The following PCNX1 variants were observed in gnomAD, a reference collection of about 807,000 sequenced individuals.
The protein encoded by PCNX1 is pecanex-like protein 1.
A neutral mutation model predicts 242.2 loss-of-function variants in PCNX1; 78 were observed. That is an observed-to-expected ratio of 0.32 (90% CI 0.27 to 0.39). The LOEUF (loss-of-function observed/expected upper bound fraction) is 0.39. Ranked by LOEUF, PCNX1 falls within the 10% of genes least tolerant of loss-of-function variation. The pLI, the probability that PCNX1 is intolerant of heterozygous loss-of-function variation, is 1.00. For missense variants in PCNX1, 2,581 were observed against 2,856.5 expected (o/e 0.90, Z 2.20); for synonymous variants, 1,024 against 1,032.9 (o/e 0.99, Z 0.17).
intron 28 of PCNX1, among the ~76,000 whole-genome samples, chr14:71,083,433 C>A (rs2061905721): frequency 6.6e-6 from 1 of 152,028 alleles, no homozygotes; most frequent in Non-Finnish European, 1.5e-5. Context: ...AGGTAATAAT[C>A]CTGAAGAATG....
chr14:70,933,949 T>G (rs748174036), intron 1 of PCNX1, among the ~76,000 whole-genome samples: 7 of 152,204 alleles, frequency 4.6e-5, no homozygotes, highest in African/African-American at 1.7e-4. Context: ...TTGGCTACAA[T>G]GTACTTCCAG....
At chr14:71,088,765 A>T (rs1192020596) in intron 29 of PCNX1, among the ~76,000 whole-genome samples, 1 of 152,084 alleles carries the variant, frequency 6.6e-6, no homozygotes, top group Non-Finnish European at 1.5e-5. Context: ...ATTTCCTTGC[A>T]GTCTTTGTCC....
chr14:71,089,099 C>T, intron 29 of PCNX1, 93 bp from the exon 30 acceptor site: 2 of 940,986 alleles, frequency 2.1e-6, no homozygotes, highest in Non-Finnish European at 3.2e-6. Flanking sequence ...TCAAAACACT[C>T]CCAGGTGATT....
At chr14:71,057,486 T>G in intron 25 of PCNX1, 23 bp from the exon 26 acceptor site, 1 of 1,551,278 alleles carries the variant, frequency 6.4e-7, no homozygotes. Flanking sequence ...AAATTTAACT[T>G]TTTTTAAAAT....
At position 70,947,006 on chromosome 14, in the gene PCNX1, A is replaced by C; in HGVS notation, c.245A>C (p.His82Pro). 6.2e-7 allele frequency: 1 copy of C among 1,613,878 alleles called. No individual in the cohort carries two copies. Among genetic ancestry groups the C allele is most frequent in the Non-Finnish European group, 8.5e-7 (1 of 1,179,802 alleles). Residue 82 changes from histidine (H) to proline (P), a missense_variant, in exon 2 of 36, where the codon CAC becomes CCC. By Grantham distance (77) the His-to-Pro change is moderately conservative. Transcript: ENST00000304743. ...CTGAAGATGGTCAACTATCGACTAC[A>C]CAGAGCACTTGATGCTGGAGAAGTT... ...IVLKMVNYRL[H>P]RALDAGEVVD...
In PCNX1 at chr14:71,108,885, A is replaced by G. The variant is rs2062695006; in HGVS notation, c.6583A>G (p.Ser2195Gly). The stretch of plus-strand genomic sequence containing the variant: ...GCAGCACGGCCTGCCTTCCTCCAGC[A>G]GCTCCAGCCAAAGCATCCCAGCCTG... ...CVQHGLPSSS[S>G]SSQSIPACKH... is the part of the protein sequence containing the mutation. The change falls in exon 34 of 36, where the codon AGC becomes GGC. Residue 2195 changes from serine to glycine, a missense_variant. By Grantham distance (56) the Ser-to-Gly change is moderately conservative. This residue lies in a region of PCNX1 where 432 missense variants were observed against 433.6 expected (regional missense o/e 1.00). Transcript: ENST00000304743. The G allele has an allele frequency of 1.2e-6, 2 of 1,614,098 alleles. No homozygotes were observed. Among genetic ancestry groups the G allele is most frequent in the Non-Finnish European group, 1.7e-6 (2 of 1,180,040 alleles).
chr14:71,036,949 C>T (rs1337754916), intron 19 of PCNX1, among the ~76,000 whole-genome samples: 1 of 151,886 alleles, frequency 6.6e-6, no homozygotes, highest in African/African-American at 2.4e-5. Flanking sequence ...CTGTTTGTAT[C>T]CTCTTTTATT....
chr14:71,052,858 C>T (rs1221125770), intron 24 of PCNX1, among the ~76,000 whole-genome samples: 1 of 152,112 alleles, frequency 6.6e-6, no homozygotes, highest in African/African-American at 2.4e-5. Context: ...CTCCAAATTT[C>T]ATTTTGTTTC....
intron 32 of PCNX1, among the ~76,000 whole-genome samples, chr14:71,104,157 C>T (rs760615836): frequency 6.6e-6 from 1 of 152,188 alleles, no homozygotes; most frequent in Non-Finnish European, 1.5e-5. Context: ...CTGAAATCTA[C>T]AGTGTTTTCA....
chr14:71,038,526 T>C (rs1174422516), intron 19 of PCNX1, among the ~76,000 whole-genome samples: 2 of 151,980 alleles, frequency 1.3e-5, no homozygotes, highest in Non-Finnish European at 2.9e-5. Context: ...CACAATGAGA[T>C]ACCATCTCAC....
chr14:71,000,650 C>T (rs2059478501), intron 8 of PCNX1, among the ~76,000 whole-genome samples: 1 of 151,824 alleles, frequency 6.6e-6, no homozygotes. Context: ...CCTTAGCCTC[C>T]CGAGTAGCTG....
At chr14:71,028,605 TG>T (rs2060299421) in intron 15 of PCNX1, 94 bp from the exon 16 acceptor site, 1 of 682,112 alleles carries the variant, frequency 1.5e-6, no homozygotes, top group African/African-American at 1.9e-5. Flanking sequence ...TAATGATAGT[TG>T]ACATTATAAT....
intron 18 of PCNX1, among the ~76,000 whole-genome samples, chr14:71,034,499 G>C (rs1052781306): frequency 3.1e-4 from 47 of 152,138 alleles, no homozygotes; most frequent in Non-Finnish European, 6.2e-4. Context: ...CTGAAGGAGA[G>C]AACAATAACC....
chr14:70,913,021 A>G (rs2055992911), intron 1 of PCNX1, among the ~76,000 whole-genome samples: 1 of 152,016 alleles, frequency 6.6e-6, no homozygotes, highest in South Asian at 2.1e-4. Context: ...TTTTTTCATC[A>G]TTCCATTCCA....
intron 1 of PCNX1, among the ~76,000 whole-genome samples, chr14:70,928,010 T>A (rs773217625): frequency 7.4e-4 from 113 of 152,180 alleles, no homozygotes; most frequent in Non-Finnish European, 1.2e-3. Context: ...TATTTCATTT[T>A]AAAATATTTA....
chr14:70,986,022 T>C (rs1015871478), intron 6 of PCNX1, among the ~76,000 whole-genome samples: 1 of 152,240 alleles, frequency 6.6e-6, no homozygotes, highest in African/African-American at 2.4e-5. Context: ...CATATGTGAC[T>C]GTATGTGCTT....
rs1460744607 is a variant in PCNX1 at position 70,917,805 on chromosome 14, C to G, written c.153+9802C>G. Among the ~76,000 whole-genome samples, 3 of 152,206 alleles carry G rather than the reference C, an allele frequency of 2.0e-5. No individual in the cohort carries two copies. In the East Asian group the frequency reaches 5.8e-4, roughly 29 times the overall value. On this transcript the variant is annotated intron_variant, in intron 1 of 35. Coordinates refer to ENST00000304743, the MANE Select transcript of PCNX1 (RefSeq NM_014982.3). Reference sequence around the variant, plus strand: ...AAGCCAGATATTGACTTAACCTTCTCTGGCTATGAAAGGCCTAGATGGCAT... The same window carrying G: ...AAGCCAGATATTGACTTAACCTTCTGTGGCTATGAAAGGCCTAGATGGCAT...
At chr14:71,107,280 G>T (rs1294938182) in intron 33 of PCNX1, among the ~76,000 whole-genome samples, 1 of 152,004 alleles carries the variant, frequency 6.6e-6, no homozygotes, top group Non-Finnish European at 1.5e-5. Context: ...GGATTCAAGT[G>T]AAGAGACCTG....
At chr14:70,916,787 A>G (rs1017215295) in intron 1 of PCNX1, among the ~76,000 whole-genome samples, 5 of 152,292 alleles carry the variant, frequency 3.3e-5, no homozygotes, top group South Asian at 2.1e-4. Context: ...TAAGACAACA[A>G]TGAAGTTTGC....
Sources: allele counts gnomAD v4.1 joint callset (sites outside exome capture counted in the v4.1 genomes callset), GRCh38; gene constraint gnomAD v4.1.1; regional missense constraint gnomAD v4.1.1; transcripts MANE v1.5; gene names NCBI Gene and HGNC (gene_info 2026-07-23, HGNC 2026-07-21).